The following CFAP418 variants were observed in gnomAD, a reference collection of about 807,000 sequenced individuals.
CFAP418 encodes the protein cilia- and flagella-associated protein 418.
Under a neutral mutation model 24.7 loss-of-function variants are expected in CFAP418, and 27 were observed. That is an observed-to-expected ratio of 1.09 (90% CI 0.81 to 1.51). CFAP418 has a LOEUF of 1.51. Among genes scored for constraint, CFAP418 ranks in the 40% most tolerant of loss-of-function variants. CFAP418 has a pLI of 0.00. For synonymous variants in CFAP418, 74 were observed against 87.3 expected, an observed-to-expected ratio of 0.85 and a Z score of 0.85; for missense variants, 257 against 255.2, an observed-to-expected ratio of 1.01 and a Z score of -0.05.
At chr8:95,260,013 TAATCA>T (rs1380556166) in intron 3 of CFAP418, 108 bp from the exon 4 acceptor site, 4 of 757,668 alleles carry the variant, frequency 5.3e-6, no homozygotes, top group Non-Finnish European at 6.4e-6. Flanking sequence ...TATGTTCTTG[TAATCA>T]AATTGTCTAT....
At position 95,269,151 on chromosome 8, in the gene CFAP418, C is replaced by T. The variant is rs1158351205; in HGVS notation, c.39G>A (p.Glu13=). 6.2e-7 allele frequency: 1 copy of T among 1,614,254 alleles called. No individual in the cohort carries two copies. ...GAAGGTCAGGTGTGCAAAACTTGGA[C>T]TCGACTTCATCCAAGAGCTCGTCCA... ...EDLDELLDEV[E]SKFCTPDLLR... The change falls in exon 1 of 6, where the codon GAG becomes GAA. Residue 13 remains glutamate, a synonymous_variant. Transcript: ENST00000286688.
chr8:95,260,402 TACTAG>T, intron 3 of CFAP418, 61 bp downstream of exon 3: 5 of 1,189,770 alleles, frequency 4.2e-6, no homozygotes, highest in Non-Finnish European at 6.0e-6. Flanking sequence ...TAACAAAATC[TACTAG>T]ACTATGCTCA....
chr8:95,247,711 C>T lies in CFAP418; in HGVS notation c.530G>A (p.Arg177Gln), dbSNP rs748807525. The T allele has an allele frequency of 1.2e-5, 20 of 1,613,626 alleles. No individual in the cohort carries two copies. The highest frequency in any genetic ancestry group is 1.7e-4 in the Middle Eastern group (1 of 6,056). Residue 177 changes from arginine to glutamine, a missense_variant, in exon 6 of 6, where the codon CGG becomes CAG. Physicochemically the swap from Arg to Gln is conservative, Grantham distance 43. Coordinates refer to ENST00000286688, the MANE Select transcript of CFAP418 (RefSeq NM_177965.4). ...CCAGCTACACTGGCAGGCATATGCC[C>T]GTGTTCCTTTCTTCTTTATCAACTT... ...KAKLIKKKGTRAYACQCSWRT... is the reference protein window; with the variant it reads ...KAKLIKKKGTQAYACQCSWRT...
chr8:95,256,458 C>T (rs1431476319), intron 4 of CFAP418, among the ~76,000 whole-genome samples: 1 of 152,192 alleles, frequency 6.6e-6, no homozygotes, highest in African/African-American at 2.4e-5. Flanking sequence ...ATTTAATCCT[C>T]AGAGTATCTC....
At position 95,245,861 on chromosome 8, in the gene CFAP418, T is replaced by G. The variant is rs967093325; in HGVS notation, c.*1756A>C. On this transcript the variant is annotated 3_prime_UTR_variant, in exon 6 of 6. Coordinates refer to ENST00000286688, the MANE Select transcript of CFAP418 (RefSeq NM_177965.4). ...TATGAGGTTCTAAATGTGTGGATCT[T>G]GTTGCTCTGCTATTTTTTTCCAGCA... The G allele has an allele frequency of 4.0e-5, 6 of 150,024 alleles. No homozygotes were observed. The highest frequency in any genetic ancestry group is 6.6e-5 in the Admixed American group (1 of 15,092). The allele number at this position is 150,024 out of a possible 1,614,324, so 9.3% of individuals were successfully genotyped here.
rs1812093726 is a variant in CFAP418 at position 95,269,034 on chromosome 8, C to T, written c.155+1G>A. On this transcript the variant is annotated splice_donor_variant, in intron 1 of 5. Coordinates refer to ENST00000286688, the MANE Select transcript of CFAP418 (RefSeq NM_177965.4). LOFTEE classifies it high-confidence loss of function. ...CAGTCCACCCCTCCCGCCCGGTTAA[C>T]CTGAGCGTCTCTTTCGCCTTGGCTT... is the stretch of plus-strand genomic sequence containing the variant. The T allele has an allele frequency of 1.2e-6, 2 of 1,613,686 alleles. No individual in the cohort carries two copies. The highest frequency in any genetic ancestry group is 1.7e-5 in the Admixed American group (1 of 59,996).
chr8:95,252,218 C>T lies in CFAP418; in HGVS notation c.440G>A (p.Trp147Ter). The change falls in exon 5 of 6, where the codon TGG (tryptophan) becomes TAG (stop). Residue 147 changes from tryptophan to a stop codon, truncating the protein, a stop_gained. Transcript: ENST00000286688. LOFTEE classifies it high-confidence loss of function. Reference protein sequence around the residue: ...FLVVSYDDYMWDKSCDYLFFR... With the variant: ...FLVVSYDDYM ...AAACAGATAATCACACGATTTGTCC[C>T]ACATATAGTCATCATAGCTGACTAC... 1.9e-6 allele frequency: 3 copies of T among 1,613,280 alleles called. No homozygotes were observed. Among genetic ancestry groups the T allele is most frequent in the Non-Finnish European group, 2.5e-6 (3 of 1,179,566 alleles).
intron 4 of CFAP418, among the ~76,000 whole-genome samples, chr8:95,258,381 CAA>C (rs61473559): frequency 6.0e-5 from 3 of 49,656 alleles, no homozygotes; most frequent in East Asian, 5.8e-4. Flanking sequence ...GACTCTGTCT[CAA>C]AAAAAAAAAA....
At chr8:95,261,352 A>G (rs948860441) in intron 2 of CFAP418, among the ~76,000 whole-genome samples, 1 of 152,212 alleles carries the variant, frequency 6.6e-6, no homozygotes, top group African/African-American at 2.4e-5. Flanking sequence ...TTGAAAAATA[A>G]TAATATGCAC....
chr8:95,259,439 C>G (rs34961968), intron 4 of CFAP418, among the ~76,000 whole-genome samples: 1 of 152,044 alleles, frequency 6.6e-6, no homozygotes, highest in African/African-American at 2.4e-5. Flanking sequence ...CAAGCAACTA[C>G]GCTTGAGAAT....
chr8:95,252,210 A>C lies in CFAP418; in HGVS notation c.448T>G (p.Ser150Ala). The part of the protein sequence containing the change: ...VSYDDYMWDK[S>A]CDYLFFRNNM... ...TACCTGAAAAACAGATAATCACACG[A>C]TTTGTCCCACATATAGTCATCATAG... Residue 150 changes from serine (S) to alanine (A), a missense_variant, in exon 5 of 6, where the codon TCG becomes GCG. By Grantham distance (99) the Ser-to-Ala change is moderately conservative. Coordinates refer to ENST00000286688, the MANE Select transcript of CFAP418 (RefSeq NM_177965.4). 1 of 1,613,150 alleles carries C rather than the reference A, an allele frequency of 6.2e-7. No homozygotes were observed. The highest frequency in any genetic ancestry group is 1.1e-5 in the South Asian group (1 of 90,900).
chr8:95,268,650 G>C (rs1021648288), intron 1 of CFAP418, among the ~76,000 whole-genome samples: 2 of 151,908 alleles, frequency 1.3e-5, no homozygotes, highest in Admixed American at 6.6e-5. Flanking sequence ...TCGGGGTTAA[G>C]AACGGGGCGC....
intron 4 of CFAP418, among the ~76,000 whole-genome samples, chr8:95,256,985 AGAGTTAATGT>A (rs1453297103): frequency 6.6e-6 from 1 of 152,262 alleles, no homozygotes; most frequent in Non-Finnish European, 1.5e-5. Context: ...TAGTGAGTTT[AGAGTTAATGT>A]GAGACAAATG....
At chr8:95,252,921 C>A (rs1055569311) in intron 4 of CFAP418, among the ~76,000 whole-genome samples, 6 of 152,178 alleles carry the variant, frequency 3.9e-5, no homozygotes, top group Admixed American at 2.0e-4. Flanking sequence ...ATATCTGAAG[C>A]AAGGTGCACA....
chr8:95,263,542 C>G, intron 2 of CFAP418, 145 bp downstream of exon 2: 1 of 526,184 alleles, frequency 1.9e-6, no homozygotes, highest in Non-Finnish European at 3.4e-6. Flanking sequence ...TTCTACTGCT[C>G]TTTAAGTGTA....
chr8:95,245,393 T>C lies in CFAP418; in HGVS notation c.*2224A>G, dbSNP rs1481560398. 6.6e-6 allele frequency: 1 copy of C among 152,116 alleles called. No homozygotes were observed. Among genetic ancestry groups the C allele is most frequent in the Non-Finnish European group, 1.5e-5 (1 of 68,016 alleles). The allele number at this position is 152,116 out of a possible 1,614,324, so 9.4% of individuals were successfully genotyped here. The stretch of plus-strand genomic sequence containing the variant: ...TTATTATGTTATGGAATGCCAAACA[T>C]AGGCAATGTATGTAAGTTTTAGGAT... On this transcript the variant is annotated 3_prime_UTR_variant, in exon 6 of 6. Transcript: ENST00000286688.
intron 1 of CFAP418, among the ~76,000 whole-genome samples, chr8:95,267,618 A>G (rs13271205): frequency 0.086 from 13,111 of 152,202 alleles, 647 homozygotes; most frequent in Non-Finnish European, 0.11. Flanking sequence ...ATAAATAAAT[A>G]TCACTGGAGG....
At chr8:95,256,924 G>A (rs1811800420) in intron 4 of CFAP418, among the ~76,000 whole-genome samples, 1 of 152,178 alleles carries the variant, frequency 6.6e-6, no homozygotes, top group Non-Finnish European at 1.5e-5. Flanking sequence ...TGGAGCTGAA[G>A]GAACTAAAGA....
At chr8:95,266,824 G>A (rs893957013) in intron 1 of CFAP418, among the ~76,000 whole-genome samples, 2 of 152,210 alleles carry the variant, frequency 1.3e-5, no homozygotes, top group African/African-American at 4.8e-5. Context: ...TGAGGTACTA[G>A]AAATATTATG....
Sources: allele counts gnomAD v4.1 joint callset (sites outside exome capture counted in the v4.1 genomes callset), GRCh38; gene constraint gnomAD v4.1.1; transcripts MANE v1.5; gene names NCBI Gene and HGNC (gene_info 2026-07-23, HGNC 2026-07-21).